The following KLHL22 variants were observed in gnomAD, a reference collection of about 807,000 sequenced individuals.
The protein encoded by KLHL22 is kelch like family member 22, also known as kelch-like protein 22.
KLHL22 carries 18 observed loss-of-function variants against 60.7 expected under a neutral mutation model. The ratio of observed to expected loss-of-function variants is 0.30; its 90% CI spans 0.20 to 0.44. The LOEUF (loss-of-function observed/expected upper bound fraction) is 0.44, where lower values mean the gene tolerates loss of function less well. Ranked by LOEUF, KLHL22 falls within the 20% of genes least tolerant of loss-of-function variation. The pLI is 1.00. For missense variants in KLHL22, 596 were observed against 852.3 expected (o/e 0.70, Z 3.74); for synonymous variants, 355 against 354.5 (o/e 1.00, Z -0.01).
Position 20,465,128 on chromosome 22 carries a change from C to T in KLHL22, c.842G>A (p.Ser281Asn). Reference sequence around the variant, plus strand: ...CGGGCTCTGCAGGCTGGGCTGTAGGCTCTCGTTCCGGTGGTACATGAGGGC... The same window carrying T: ...CGGGCTCTGCAGGCTGGGCTGTAGGTTCTCGTTCCGGTGGTACATGAGGGC... The part of the protein sequence containing the change: ...ASALMYHRNE[S>N]LQPSLQSPQT... Residue 281 changes from serine (S) to asparagine (N), a missense_variant, in exon 4 of 7, where the codon AGC becomes AAC. By Grantham distance (46) the Ser-to-Asn change is conservative. Transcript: ENST00000328879. The surrounding 1 kb of genome is among the most constrained non-coding windows in gnomAD (Gnocchi z 4.9). 6.2e-7 allele frequency: 1 copy of T among 1,614,018 alleles called. No individual in the cohort carries two copies.
In KLHL22 at chr22:20,491,838, C is replaced by T. The variant is rs536428194; in HGVS notation, c.-33-2594G>A. The T allele has an allele frequency of 5.2e-5, 8 of 152,430 alleles. No individual in the cohort carries two copies. In the East Asian group the frequency reaches 1.3e-3, roughly 26 times the overall value. 9.4% of individuals were successfully genotyped at this position (152,430 alleles called of 1,614,324 possible). A position where few individuals can be genotyped will look rare whatever the true frequency, so the allele number is the denominator to read the frequency against. On this transcript the variant is annotated intron_variant, in intron 1 of 6. Transcript: ENST00000328879. ...TCTACTGCTTCCCATCAAACACACT[C>T]AGTTATCTGTGCCTGCCCCTGAGTC...
intron 4 of KLHL22, among the ~76,000 whole-genome samples, chr22:20,462,987 C>T (rs966597087): frequency 2.6e-5 from 4 of 152,088 alleles, no homozygotes; most frequent in African/African-American, 9.7e-5. Context: ...ATTCTAAAAG[C>T]CTATAGCTTT....
At chr22:20,493,304 TA>T (rs1795592282) in intron 1 of KLHL22, 6 of 464,778 alleles carry the variant, frequency 1.3e-5, no homozygotes, top group Non-Finnish European at 2.2e-5. Context: ...GAAACTTAGC[TA>T]GGGGCTAAGG....
At position 20,457,190 on chromosome 22, in the gene KLHL22, A is replaced by G. The variant is rs552935417; in HGVS notation, c.1305+618T>C. Among the ~76,000 whole-genome samples, 3 of 152,292 alleles carry G rather than the reference A, an allele frequency of 2.0e-5. No homozygotes were observed. In the South Asian group the frequency reaches 6.2e-4, roughly 32 times the overall value. On this transcript the variant is annotated intron_variant, in intron 5 of 6. Coordinates refer to ENST00000328879, the MANE Select transcript of KLHL22 (RefSeq NM_032775.4). ...TAAGATAAAAGAGAGGCACCTCCCT[A>G]AAACATCATTTTTCCATAATGAACA...
rs1436686845 is a variant in KLHL22, at chr22:20,495,643, C to CCCGCGCCCCTCGGACT, written c.-34+101_-34+116dup. ...CCCGAGCCTCCGGCCCGCGCCCGCCCCCGCGCCCCTCGGACTCCGCGCCGC... is the reference window on the plus strand; with the variant it reads ...CCCGAGCCTCCGGCCCGCGCCCGCCCCCGCGCCCCTCGGACTCCGCGCCCCTCGGACTCCGCGCCGC... On this transcript the variant is annotated intron_variant, in intron 1 of 6. Coordinates refer to ENST00000328879, the MANE Select transcript of KLHL22 (RefSeq NM_032775.4). The surrounding 1 kb of genome is among the most constrained non-coding windows in gnomAD (Gnocchi z 4.6). The CCCGCGCCCCTCGGACT allele has an allele frequency of 6.6e-6, 1 of 150,978 alleles. No individual in the cohort carries two copies. Among genetic ancestry groups the CCCGCGCCCCTCGGACT allele is most frequent in the Non-Finnish European group, 1.5e-5 (1 of 67,284 alleles). The allele number at this position is 150,978 out of a possible 1,614,324, so 9.4% of individuals were successfully genotyped here.
chr22:20,452,920 T>A (rs964593684), intron 5 of KLHL22, among the ~76,000 whole-genome samples: 6 of 152,240 alleles, frequency 3.9e-5, no homozygotes, highest in African/African-American at 1.4e-4. Context: ...TAGTCTTTTT[T>A]CTGCTATAAG....
At chr22:20,483,297 GTA>G in intron 2 of KLHL22, 1 of 709,826 alleles carries the variant, frequency 1.4e-6, no homozygotes, top group Non-Finnish European at 2.6e-6. Flanking sequence ...GCTGAGACCA[GTA>G]CTTGTCCAGC....
chr22:20,460,148 A>T (rs1402786193), intron 4 of KLHL22, among the ~76,000 whole-genome samples: 11 of 152,092 alleles, frequency 7.2e-5, no homozygotes, highest in Non-Finnish European at 8.8e-5. Context: ...TTTATATACA[A>T]GTCTCTCCTC....
chr22:20,448,134 CT>C (rs1261594045), intron 5 of KLHL22, among the ~76,000 whole-genome samples: 1 of 152,218 alleles, frequency 6.6e-6, no homozygotes, highest in Non-Finnish European at 1.5e-5. Context: ...AGTTTTGTAA[CT>C]TCAAGAGTGT....
chr22:20,486,721 G>A (rs190329011), intron 2 of KLHL22, among the ~76,000 whole-genome samples: 2 of 140,808 alleles, frequency 1.4e-5, no homozygotes, highest in Non-Finnish European at 3.1e-5. Context: ...CATTCTTGTT[G>A]CCCAGGCTGG....
intron 5 of KLHL22, chr22:20,451,116 C>A: frequency 6.7e-7 from 1 of 1,496,922 alleles, no homozygotes. Flanking sequence ...AGATCTACGT[C>A]ATTGGTGGCT....
In KLHL22 at chr22:20,465,780, T is replaced by A. The variant is rs573762993; in HGVS notation, c.394-204A>T. On this transcript the variant is annotated intron_variant, in intron 3 of 6. Transcript: ENST00000328879. This position sits in a 1 kb window ranked among gnomAD's most constrained non-coding sequence, Gnocchi z 4.9. ...TTTAAGTCCTGGTTTGGAAACATAC[T>A]GGGTGACAGGATATACAGCATGTTT... Among the ~76,000 whole-genome samples the A allele has an allele frequency of 6.6e-6, 1 of 152,140 alleles. No individual in the cohort carries two copies. The highest frequency in any genetic ancestry group is 1.5e-5 in the Non-Finnish European group (1 of 68,002).
In KLHL22 at chr22:20,441,702, C is replaced by A; in HGVS notation, c.*371G>T. ...GCTGCCCCCACAGCCCCACCCCATT[C>A]ACAGAAAGAGGGCTACCACGTGCCT... On this transcript the variant is annotated 3_prime_UTR_variant, in exon 7 of 7. Coordinates refer to ENST00000328879, the MANE Select transcript of KLHL22 (RefSeq NM_032775.4). 4.7e-6 allele frequency: 1 copy of A among 210,820 alleles called. No homozygotes were observed. The highest frequency in any genetic ancestry group is 1.0e-5 in the Non-Finnish European group (1 of 96,820). 13.1% of individuals were successfully genotyped at this position (210,820 alleles called of 1,614,324 possible).
intron 2 of KLHL22, among the ~76,000 whole-genome samples, chr22:20,479,254 A>G (rs1601376754): frequency 6.6e-6 from 1 of 151,846 alleles, no homozygotes; most frequent in South Asian, 2.1e-4. Context: ...CCAATTTTTA[A>G]AAAAATATAT....
chr22:20,489,603 AAG>A (rs1258565204), intron 1 of KLHL22, among the ~76,000 whole-genome samples: 1 of 152,194 alleles, frequency 6.6e-6, no homozygotes, highest in Non-Finnish European at 1.5e-5. Flanking sequence ...CAATTTTAAA[AAG>A]AGAGATAAAA....
At chr22:20,464,782 CCAG>C (rs2053204972) in intron 4 of KLHL22, 73 bp downstream of exon 4, 1 of 904,038 alleles carries the variant, frequency 1.1e-6, no homozygotes, top group African/African-American at 1.7e-5. Context: ...GGGAACCTGA[CCAG>C]CTCTCTCAGC....
At position 20,442,336 on chromosome 22, in the gene KLHL22, C is replaced by T. The variant is rs769050181; in HGVS notation, c.1642G>A (p.Val548Met). Residue 548 changes from valine (V) to methionine (M), a missense_variant, in exon 7 of 7, where the codon GTG becomes ATG. Physicochemically the swap from Val to Met is conservative, Grantham distance 21. Transcript: ENST00000328879. ...CGGTTGTGTGAGCGGCCACCTAACA[C>T]ATAGATCCTGTTGTCCAGCACAGCA... ...GIAVLDNRIY[V>M]LGGRSHNRGS... 2.5e-5 allele frequency: 41 copies of T among 1,613,888 alleles called. No individual in the cohort carries two copies. The highest frequency in any genetic ancestry group is 3.1e-5 in the Non-Finnish European group (37 of 1,180,042).
intron 2 of KLHL22, among the ~76,000 whole-genome samples, chr22:20,478,635 C>T (rs1456740696): frequency 4.0e-5 from 6 of 149,586 alleles, no homozygotes; most frequent in African/African-American, 1.5e-4. Context: ...CTGTCTCAGC[C>T]TCCCGAGTAG....
intron 2 of KLHL22, among the ~76,000 whole-genome samples, chr22:20,476,028 G>GT (rs1030921268): frequency 2.0e-5 from 3 of 152,188 alleles, no homozygotes; most frequent in Non-Finnish European, 4.4e-5. Flanking sequence ...ATTTTAGGGG[G>GT]TTATGTTAAA....
Sources: gnomAD v4.1 joint callset for allele counts (sites outside exome capture counted in the v4.1 genomes callset) on GRCh38, gnomAD v4.1.1 for gene constraint, Gnocchi (gnomAD v3.1) non-coding constraint, MANE v1.5 for transcripts, NCBI Gene and HGNC (gene_info 2026-07-23, HGNC 2026-07-21) for gene names.